The following PLCH2 variants were observed in gnomAD, a reference collection of about 807,000 sequenced individuals.
PLCH2 encodes phospholipase C eta 2.
A neutral mutation model predicts 134.7 loss-of-function variants in PLCH2; 98 were observed. That is an observed-to-expected ratio of 0.73 (90% CI 0.62 to 0.86). The LOEUF is 0.86. Among genes scored for constraint, PLCH2 ranks in the 40% least tolerant of loss-of-function variants. The probability of loss-of-function intolerance (pLI) is 0.00; values close to 1 mark genes in which losing one functional copy is unlikely to be tolerated. For missense variants in PLCH2, 1,994 were observed against 1,986.6 expected (o/e 1.00, Z -0.07); for synonymous variants, 974 against 827.5 (o/e 1.18, Z -3.04).
chr1:2,426,716 A>G (rs571147820), intron 1 of PLCH2, among the ~76,000 whole-genome samples: 2 of 152,298 alleles, frequency 1.3e-5, no homozygotes, highest in East Asian at 1.9e-4. Flanking sequence ...CGCTGTGAGC[A>G]TGGAGGGGCC....
chr1:2,497,083 G>A (rs1486595814), intron 15 of PLCH2, 73 bp downstream of exon 15: 18 of 1,460,664 alleles, frequency 1.2e-5, no homozygotes, highest in Admixed American at 8.0e-5. Context: ...CCCAAGGGGC[G>A]AGCAGGGGAC....
rs1019596802 is a variant in PLCH2, at chr1:2,497,546, C to T, written c.2161C>T (p.Arg721Ter). 4.5e-6 allele frequency: 7 copies of T among 1,562,910 alleles called. No homozygotes were observed. The highest frequency in any genetic ancestry group is 3.5e-5 in the South Asian group (3 of 84,612). Residue 721 changes from arginine (R) to a stop codon, truncating the protein, a stop_gained, in exon 16 of 22, where the codon CGA becomes TGA. Coordinates refer to ENST00000378486, the MANE Select transcript of PLCH2 (RefSeq NM_014638.4). LOFTEE classifies it high-confidence loss of function. ...AGAGGGGCGGATGCTGCAGCTGAAC[C>T]GAGCCAAGTTCAGCGCCAACGGTGG... ...QSEGRMLQLN[R>*]AKFSANGGCG...
At chr1:2,432,404 T>G (rs1639111532) in intron 2 of PLCH2, among the ~76,000 whole-genome samples, 2 of 152,198 alleles carry the variant, frequency 1.3e-5, no homozygotes, top group East Asian at 3.9e-4. Context: ...CCTGCCCTGC[T>G]GGCCCCTCAT....
At chr1:2,491,603 T>G (rs1357362212) in intron 11 of PLCH2, among the ~76,000 whole-genome samples, 1 of 152,230 alleles carries the variant, frequency 6.6e-6, no homozygotes, top group Non-Finnish European at 1.5e-5. Flanking sequence ...CGCCCCTGCC[T>G]AGAGCTGCCT....
In PLCH2 at chr1:2,478,462, T is replaced by C. The variant is rs752071591; in HGVS notation, c.125-14T>C. 7 of 1,612,258 alleles carry C rather than the reference T, an allele frequency of 4.3e-6. No individual in the cohort carries two copies. The South Asian group carries it at 7.7e-5, about 18-fold the overall frequency. On this transcript the variant is annotated splice_polypyrimidine_tract_variant and intron_variant, in intron 1 of 21. Transcript: ENST00000378486. The stretch of plus-strand genomic sequence containing the variant: ...CTGTGCCTCCGCTGACAGCCGTGTC[T>C]CTCCCGTGTCCAGTGGAGCGGTGCA...
At chr1:2,427,461 G>T (rs566392986) in intron 1 of PLCH2, among the ~76,000 whole-genome samples, 1 of 152,344 alleles carries the variant, frequency 6.6e-6, no homozygotes, top group East Asian at 1.9e-4. Flanking sequence ...GGACTCTCTT[G>T]TGGGCTGGGT....
chr1:2,503,151 G>A lies in PLCH2; in HGVS notation c.2959+742G>A, dbSNP rs1243693964. 3 of 644,836 alleles carry A rather than the reference G, an allele frequency of 4.7e-6. No individual in the cohort carries two copies. In the Admixed American group the frequency reaches 6.5e-5, roughly 14 times the overall value. 39.9% of individuals were successfully genotyped at this position (644,836 alleles called of 1,614,324 possible). A position where few individuals can be genotyped will look rare whatever the true frequency, so the allele number is the denominator to read the frequency against. Reference sequence around the variant, plus strand: ...GGTGGAGCTGGTTTGAGGCCCGACAGGCTGGGAAGAACCAGCTGCTCTTGC... The same window carrying A: ...GGTGGAGCTGGTTTGAGGCCCGACAAGCTGGGAAGAACCAGCTGCTCTTGC... On this transcript the variant is annotated intron_variant, in intron 21 of 21. Coordinates refer to ENST00000378486, the MANE Select transcript of PLCH2 (RefSeq NM_014638.4).
At position 2,444,317 on chromosome 1, in the gene PLCH2, G is replaced by T. The variant is rs528557816; in HGVS notation, c.115+13688G>T. ...GCCCAGGCCGGGCACCCCGATCCCT[G>T]CCGGATGGTGCCGCAGGGCACCCTG... On this transcript the variant is annotated intron_variant, in intron 2 of 3. Transcript: ENST00000609981. The surrounding 1 kb of genome is among the most constrained non-coding windows in gnomAD (Gnocchi z 4.6). 1.3e-5 allele frequency among the ~76,000 whole-genome samples: 2 copies of T among 152,368 alleles called. No individual in the cohort carries two copies. Among genetic ancestry groups the T allele is most frequent in the East Asian group, 1.9e-4 (1 of 5,182 alleles).
intron 1 of PLCH2, among the ~76,000 whole-genome samples, chr1:2,427,464 G>A (rs538631387): frequency 2.0e-5 from 3 of 152,342 alleles, no homozygotes; most frequent in East Asian, 3.9e-4. Flanking sequence ...CTCTCTTGTG[G>A]GCTGGGTGGC....
At chr1:2,481,194 T>A (rs1271406718) in intron 4 of PLCH2, among the ~76,000 whole-genome samples, 1 of 152,122 alleles carries the variant, frequency 6.6e-6, no homozygotes, top group East Asian at 1.9e-4. Context: ...CTGTTCTCAC[T>A]GTAGGTGGCT....
At chr1:2,434,113 G>T (rs571968103) in intron 2 of PLCH2, among the ~76,000 whole-genome samples, 1 of 152,256 alleles carries the variant, frequency 6.6e-6, no homozygotes, top group African/African-American at 2.4e-5. Context: ...GTCTCCCTGG[G>T]TGGCGTTTGA....
rs1640032853 is a variant in PLCH2 at position 2,448,261 on chromosome 1, C to T, written c.115+17632C>T. Among the ~76,000 whole-genome samples, 1 of 152,150 alleles carries T rather than the reference C, an allele frequency of 6.6e-6. No homozygotes were observed. Among genetic ancestry groups the T allele is most frequent in the Admixed American group, 6.5e-5 (1 of 15,284 alleles). ...ACTAAAAACGCCGCACGCTTATTCT[C>T]TCGCAGTCCTGGAGGCTGGAAGTCT... On this transcript the variant is annotated intron_variant, in intron 2 of 3. Coordinates refer to the PLCH2 transcript ENST00000609981. The surrounding 1 kb of genome is among the most constrained non-coding windows in gnomAD (Gnocchi z 4.0).
upstream of PLCH2, among the ~76,000 whole-genome samples, chr1:2,421,047 C>A (rs938401903): frequency 2.0e-5 from 3 of 151,130 alleles, no homozygotes; most frequent in Admixed American, 6.6e-5. Context: ...CGGGTTCAAT[C>A]GATTTTCCTG....
intron 4 of PLCH2, among the ~76,000 whole-genome samples, chr1:2,481,707 C>T (rs560103894): frequency 2.0e-5 from 3 of 152,222 alleles, no homozygotes; most frequent in Non-Finnish European, 2.9e-5. Context: ...GTCAGGTTAC[C>T]GGCCTGGCAC....
chr1:2,458,080 A>G (rs766516883), intron 2 of PLCH2, among the ~76,000 whole-genome samples: 4 of 151,776 alleles, frequency 2.6e-5, no homozygotes, highest in Non-Finnish European at 5.9e-5. Flanking sequence ...TGTGTGTGTG[A>G]GTGGGGGTGG....
upstream of PLCH2, among the ~76,000 whole-genome samples, chr1:2,471,822 G>T (rs933926880): frequency 6.6e-6 from 1 of 152,144 alleles, no homozygotes; most frequent in Non-Finnish European, 1.5e-5. Flanking sequence ...ACAAAGTCAG[G>T]CCCCAGGGCC....
At chr1:2,491,549 G>A (rs928509095) in intron 11 of PLCH2, among the ~76,000 whole-genome samples, 1 of 152,250 alleles carries the variant, frequency 6.6e-6, no homozygotes, top group African/African-American at 2.4e-5. Flanking sequence ...GCCAGTCGTT[G>A]AGAGCTGCCC....
Position 2,487,731 on chromosome 1 carries a change from GCCTAGCGGGGCTGGC to G in PLCH2, c.1235+16_1235+30del. 6.2e-7 allele frequency: 1 copy of G among 1,611,044 alleles called. No homozygotes were observed. The highest frequency in any genetic ancestry group is 8.5e-7 in the Non-Finnish European group (1 of 1,178,796). On this transcript the variant is annotated intron_variant, in intron 8 of 21. Coordinates refer to ENST00000378486, the MANE Select transcript of PLCH2 (RefSeq NM_014638.4). ...TCATCAAGAATGAGTGAGTGGCTGG[GCCTAGCGGGGCTGGC>G]CCCAGAGGTGGGCAGGGTAGGGTCT...
intron 1 of PLCH2, among the ~76,000 whole-genome samples, chr1:2,429,350 G>A (rs1638955880): frequency 6.6e-6 from 1 of 152,204 alleles, no homozygotes; most frequent in African/African-American, 2.4e-5. Flanking sequence ...TAATGGCCAA[G>A]GCCTCCACCT....
Sources: allele counts gnomAD v4.1 joint callset (sites outside exome capture counted in the v4.1 genomes callset), GRCh38; gene constraint gnomAD v4.1.1; non-coding constraint Gnocchi (gnomAD v3.1); transcripts MANE v1.5; gene names NCBI Gene and HGNC (gene_info 2026-07-23, HGNC 2026-07-21).